CTTNBP2: variants seen among roughly 807,000 people sequenced by gnomAD.
The protein encoded by CTTNBP2 is cortactin binding protein 2.
In CTTNBP2, 108 loss-of-function variants were observed where a neutral mutation model predicts 156.9. The ratio of observed to expected loss-of-function variants is 0.69; its 90% CI spans 0.59 to 0.81. The LOEUF is 0.81. Among genes scored for constraint, CTTNBP2 ranks in the 30% least tolerant of loss-of-function variants. CTTNBP2 has a pLI of 0.00. For synonymous variants in CTTNBP2, 767 were observed against 751.8 expected (o/e 1.02, Z -0.33); for missense variants, 1,924 against 2,035.4 (o/e 0.95, Z 1.05).
At chr7:117,740,536 G>C (rs906695583) in intron 14 of CTTNBP2, among the ~76,000 whole-genome samples, 1 of 152,120 alleles carries the variant, frequency 6.6e-6, no homozygotes, top group African/African-American at 2.4e-5. Flanking sequence ...AATACCTCAG[G>C]AATCAGTGTA....
chr7:117,826,949 T>A (rs2160557), intron 2 of CTTNBP2, among the ~76,000 whole-genome samples: 101,279 of 150,904 alleles, frequency 0.67, 34,171 homozygotes, highest in African/African-American at 0.73. Flanking sequence ...GCAACCTCCA[T>A]CTCCCAGGTT....
intron 5 of CTTNBP2, among the ~76,000 whole-genome samples, 189 bp downstream of exon 5, chr7:117,784,062 G>A (rs1798568202): frequency 1.3e-5 from 2 of 151,970 alleles, no homozygotes; most frequent in Admixed American, 6.5e-5. Flanking sequence ...TTACATTAAT[G>A]AACTGTACAA....
chr7:117,737,666 C>T (rs754328970), intron 14 of CTTNBP2, among the ~76,000 whole-genome samples: 25 of 152,040 alleles, frequency 1.6e-4, no homozygotes, highest in Non-Finnish European at 3.2e-4. Context: ...CTCCACCTCC[C>T]GGGTTCAAGT....
At position 117,719,570 on chromosome 7, in the gene CTTNBP2, G is replaced by A. The variant is rs142195236; in HGVS notation, c.4578C>T (p.Asp1526=). The A allele has an allele frequency of 4.0e-5, 65 of 1,613,484 alleles. No homozygotes were observed. Among genetic ancestry groups the A allele is most frequent in the African/African-American group, 3.3e-4 (25 of 74,894 alleles). ...LDQRLSLGSD[D]EADLVKELQS... is the part of the protein sequence containing the mutation. ...GAAGTTCCTTGACAAGATCTGCTTC[G>A]TCATCTGAACCCAGAGAGAGTCTCT... Residue 1526 remains aspartate, a synonymous_variant, in exon 21 of 23, where the codon GAC becomes GAT. Transcript: ENST00000160373.
intron 3 of CTTNBP2, among the ~76,000 whole-genome samples, chr7:117,807,909 A>G (rs762757679): frequency 1.2e-4 from 19 of 152,238 alleles, no homozygotes; most frequent in Non-Finnish European, 1.2e-4. Flanking sequence ...TCTATAAACC[A>G]GACAACAAAT....
chr7:117,804,934 A>G (rs1328274253), intron 3 of CTTNBP2, among the ~76,000 whole-genome samples: 1 of 152,196 alleles, frequency 6.6e-6, no homozygotes, highest in Non-Finnish European at 1.5e-5. Context: ...AATTTCCTGC[A>G]TGTTCATTCT....
intron 10 of CTTNBP2, among the ~76,000 whole-genome samples, chr7:117,760,035 A>C (rs1346081631): frequency 6.6e-6 from 1 of 152,220 alleles, no homozygotes; most frequent in Non-Finnish European, 1.5e-5. Flanking sequence ...TTCATCAGAA[A>C]ATCTGTCCTG....
intron 21 of CTTNBP2, among the ~76,000 whole-genome samples, chr7:117,718,913 C>T (rs1020291276): frequency 2.6e-5 from 4 of 152,120 alleles, no homozygotes; most frequent in Non-Finnish European, 5.9e-5. Flanking sequence ...AAAAGCTGCC[C>T]AGGCTGGGTA....
chr7:117,805,233 A>G (rs1799860513), intron 3 of CTTNBP2, among the ~76,000 whole-genome samples: 1 of 152,184 alleles, frequency 6.6e-6, no homozygotes, highest in Non-Finnish European at 1.5e-5. Flanking sequence ...GTGTCTCTCA[A>G]TCTTAAATGG....
chr7:117,846,041 CAG>C (rs138057569), intron 2 of CTTNBP2, among the ~76,000 whole-genome samples: 35,098 of 151,680 alleles, frequency 0.23, 4,152 homozygotes, highest in South Asian at 0.38. Flanking sequence ...TTAGTAGAGA[CAG>C]GGTTTCACAG....
At chr7:117,829,121 C>A (rs1251960498) in intron 2 of CTTNBP2, among the ~76,000 whole-genome samples, 1 of 152,238 alleles carries the variant, frequency 6.6e-6, no homozygotes, top group Non-Finnish European at 1.5e-5. Context: ...CACAAGCCTG[C>A]AGGCCTCAGT....
intron 17 of CTTNBP2, among the ~76,000 whole-genome samples, chr7:117,727,792 T>C (rs1795175486): frequency 6.6e-6 from 1 of 152,206 alleles, no homozygotes; most frequent in Non-Finnish European, 1.5e-5. Context: ...CATACAATAC[T>C]TGATGAAACT....
intron 1 of CTTNBP2, among the ~76,000 whole-genome samples, chr7:117,870,744 T>A (rs1172114894): frequency 6.6e-6 from 1 of 152,196 alleles, no homozygotes; most frequent in Non-Finnish European, 1.5e-5. Context: ...CCTATAAAAG[T>A]CATCACATTT....
intron 16 of CTTNBP2, among the ~76,000 whole-genome samples, chr7:117,728,776 C>T (rs746851939): frequency 6.6e-6 from 1 of 152,156 alleles, no homozygotes. Context: ...TATACATTAA[C>T]TACATAGGGC....
At chr7:117,824,064 C>T (rs947918886) in intron 2 of CTTNBP2, among the ~76,000 whole-genome samples, 13 of 151,184 alleles carry the variant, frequency 8.6e-5, no homozygotes, top group Non-Finnish European at 2.9e-5. Context: ...TAAAAACATG[C>T]TTAGGCGGTA....
At chr7:117,861,159 G>GA (rs748801220) in intron 2 of CTTNBP2, 50 bp downstream of exon 2, 1 of 1,183,596 alleles carries the variant, frequency 8.4e-7, no homozygotes, top group Non-Finnish European at 1.2e-6. Flanking sequence ...ATGGCTCTTT[G>GA]AAAAAAGCAA....
chr7:117,836,437 G>A (rs557553560), intron 2 of CTTNBP2, among the ~76,000 whole-genome samples: 89 of 152,220 alleles, frequency 5.8e-4, no homozygotes, highest in African/African-American at 1.2e-3. Context: ...GGTGGTGGGC[G>A]CCTGTAGTCC....
Position 117,777,755 on chromosome 7 carries a change from G to A in CTTNBP2, c.2534C>T (p.Thr845Ile). The A allele has an allele frequency of 6.2e-7, 1 of 1,604,480 alleles. No homozygotes were observed. Among genetic ancestry groups the A allele is most frequent in the African/African-American group, 1.3e-5 (1 of 74,750 alleles). The change falls in exon 8 of 23, where the codon ACA becomes ATA. Residue 845 changes from threonine to isoleucine, a missense_variant. Coordinates refer to ENST00000160373, the MANE Select transcript of CTTNBP2 (RefSeq NM_033427.3). ...NRSVKTTDGW[T>I]PVHAAVDTGN... is the part of the protein sequence containing the mutation. ...AGTGTCCACAGCTGCGTGAACTGGTGTCCAGCCATCCTGAAAATAAAATGA... is the reference window on the plus strand; with the variant it reads ...AGTGTCCACAGCTGCGTGAACTGGTATCCAGCCATCCTGAAAATAAAATGA...
chr7:117,780,901 G>C (rs892231736), intron 6 of CTTNBP2, among the ~76,000 whole-genome samples: 1 of 152,084 alleles, frequency 6.6e-6, no homozygotes, highest in African/African-American at 2.4e-5. Flanking sequence ...TAACTTACTG[G>C]GATGAACGGT....
Sources: gnomAD v4.1 joint callset for allele counts (sites outside exome capture counted in the v4.1 genomes callset) on GRCh38, gnomAD v4.1.1 for gene constraint, MANE v1.5 for transcripts, NCBI Gene and HGNC (gene_info 2026-07-23, HGNC 2026-07-21) for gene names.